FBXL3: variants seen among roughly 807,000 people sequenced by gnomAD.
FBXL3 encodes F-box/LRR-repeat protein 3.
Under a neutral mutation model 37.9 loss-of-function variants are expected in FBXL3, and 14 were observed. The ratio of observed to expected loss-of-function variants is 0.37; its 90% CI spans 0.24 to 0.58. The LOEUF is 0.58. FBXL3 is among the 20% of genes least tolerant of loss of function. The pLI, the probability that FBXL3 is intolerant of heterozygous loss-of-function variation, is 0.74. For missense variants in FBXL3, 327 were observed against 511.1 expected, an observed-to-expected ratio of 0.64 and a Z score of 3.47; for synonymous variants, 194 against 180.1, an observed-to-expected ratio of 1.08 and a Z score of -0.62.
chr13:77,022,813 A>C (rs1366898415), intron 1 of FBXL3, among the ~76,000 whole-genome samples: 1 of 152,172 alleles, frequency 6.6e-6, no homozygotes, highest in Non-Finnish European at 1.5e-5. Context: ...TTTTCATGGC[A>C]AAACAGTATT....
At chr13:77,026,206 G>C in intron 1 of FBXL3, 1 of 985,404 alleles carries the variant, frequency 1.0e-6, no homozygotes, top group Non-Finnish European at 1.2e-6. Context: ...TTACTGGGCT[G>C]CTTCCTGACC....
chr13:77,022,696 C>T (rs9634731), intron 1 of FBXL3, among the ~76,000 whole-genome samples: 7,992 of 152,294 alleles, frequency 0.052, 361 homozygotes, highest in East Asian at 0.19. Context: ...AAACACATCA[C>T]TTAATATTGC....
chr13:77,006,509 T>A lies in FBXL3; in HGVS notation c.*636A>T, dbSNP rs574452928. On this transcript the variant is annotated 3_prime_UTR_variant, in exon 5 of 5. Transcript: ENST00000355619. ...AAGCTAAACACTGCCTCCCTTCTGT[T>A]CCATTTATTGTCTTTTAATTTGATC... 1 of 152,646 alleles carries A rather than the reference T, an allele frequency of 6.6e-6. No individual in the cohort carries two copies. Among genetic ancestry groups the A allele is most frequent in the Non-Finnish European group, 1.5e-5 (1 of 68,152 alleles). The allele number at this position is 152,646 out of a possible 1,614,324, so 9.5% of individuals were successfully genotyped here.
intron 3 of FBXL3, 106 bp downstream of exon 3, chr13:77,018,494 G>GTA (rs993124412): frequency 1.1e-5 from 7 of 665,258 alleles, no homozygotes; most frequent in African/African-American, 7.8e-5. Context: ...TTTCCATTAT[G>GTA]TATATATATA....
At chr13:77,008,137 G>C (rs1593921816) in intron 4 of FBXL3, among the ~76,000 whole-genome samples, 1 of 152,132 alleles carries the variant, frequency 6.6e-6, no homozygotes, top group Non-Finnish European at 1.5e-5. Context: ...AAACTTATAG[G>C]TTAGGTAATT....
At chr13:77,012,493 T>G (rs1170525654) in intron 4 of FBXL3, among the ~76,000 whole-genome samples, 1 of 152,234 alleles carries the variant, frequency 6.6e-6, no homozygotes, top group Non-Finnish European at 1.5e-5. Flanking sequence ...AATGTTGGCT[T>G]TATAGGGAAC....
Position 77,026,313 on chromosome 13 carries a change from A to AGGGGCGTC in FBXL3, c.-2+506_-2+513dup, listed in dbSNP as rs991456503. 8.6e-5 allele frequency: 85 copies of AGGGGCGTC among 985,450 alleles called. No individual in the cohort carries two copies. The East Asian group carries it at 3.4e-3, about 39-fold the overall frequency. The allele number at this position is 985,450 out of a possible 1,614,324, so 61.0% of individuals were successfully genotyped here. On this transcript the variant is annotated intron_variant, in intron 1 of 4. Coordinates refer to ENST00000355619, the MANE Select transcript of FBXL3 (RefSeq NM_012158.4). ...CAAGTTTTTCGCCTGGCTAAGCGGC[A>AGGGGCGTC]GGGGCGTCCCCTCCTCCCTGCGCCA...
intron 3 of FBXL3, chr13:77,016,966 ACT>A (rs2034654414): frequency 6.6e-6 from 1 of 152,060 alleles, no homozygotes; most frequent in Non-Finnish European, 1.5e-5. Flanking sequence ...TTCATATCAA[ACT>A]CAATTATATC....
rs536242757 is a variant in FBXL3 at position 77,025,165 on chromosome 13, G to T, written c.-2+1662C>A. ...TGAAAACACCTCCTATATTTGAAAA[G>T]AAGTGTGGAGAACCAAGCTGTACTA... is the stretch of plus-strand genomic sequence containing the variant. On this transcript the variant is annotated intron_variant, in intron 1 of 4. Transcript: ENST00000355619. 6.6e-5 allele frequency among the ~76,000 whole-genome samples: 10 copies of T among 152,292 alleles called. No individual in the cohort carries two copies. The East Asian group carries it at 1.5e-3, about 23-fold the overall frequency.
chr13:77,007,134 T>A lies in FBXL3; in HGVS notation c.*11A>T, dbSNP rs545836683. 6.3e-6 allele frequency: 10 copies of A among 1,586,374 alleles called. No homozygotes were observed. The highest frequency in any genetic ancestry group is 4.0e-5 in the African/African-American group (3 of 74,384). On this transcript the variant is annotated 3_prime_UTR_variant, in exon 5 of 5. Coordinates refer to ENST00000355619, the MANE Select transcript of FBXL3 (RefSeq NM_012158.4). ...TTGCTTGAAATTAAGGTGCTATTCA[T>A]CATGCAGTTTTTACCAAGTGGGCAT...
At chr13:77,019,589 TG>T (rs2034705251) in intron 2 of FBXL3, among the ~76,000 whole-genome samples, 2 of 152,158 alleles carry the variant, frequency 1.3e-5, no homozygotes, top group Admixed American at 1.3e-4. Flanking sequence ...GGAACTTAAA[TG>T]GGAACAAATG....
intron 1 of FBXL3, 98 bp from the exon 2 acceptor site, chr13:77,021,959 C>A (rs79233038): frequency 4.2e-6 from 4 of 943,104 alleles, no homozygotes; most frequent in East Asian, 2.4e-5. Flanking sequence ...TGTTTATATA[C>A]ACAAACATGC....
chr13:77,006,873 TA>T lies in FBXL3; in HGVS notation c.*271del. ...TATAGGTTTTGTTTCCTTTAGACTG[TA>T]AACTGTTTAATACGTATAACTGGTT... On this transcript the variant is annotated 3_prime_UTR_variant, in exon 5 of 5. Coordinates refer to ENST00000355619, the MANE Select transcript of FBXL3 (RefSeq NM_012158.4). The T allele has an allele frequency of 8.2e-7, 1 of 1,225,490 alleles. No individual in the cohort carries two copies. Among genetic ancestry groups the T allele is most frequent in the Admixed American group, 4.0e-5 (1 of 25,214 alleles). 75.9% of individuals were successfully genotyped at this position (1,225,490 alleles called of 1,614,324 possible). A position where few individuals can be genotyped will look rare whatever the true frequency, so the allele number is the denominator to read the frequency against.
chr13:77,009,931 G>A (rs1368548504), intron 4 of FBXL3: 1 of 152,146 alleles, frequency 6.6e-6, no homozygotes, highest in Non-Finnish European at 1.5e-5. Context: ...CCATAAAAAG[G>A]GATGAGTTCA....
At chr13:77,011,510 C>T (rs1399304589) in intron 4 of FBXL3, among the ~76,000 whole-genome samples, 1 of 151,902 alleles carries the variant, frequency 6.6e-6, no homozygotes, top group African/African-American at 2.4e-5. Context: ...ACACTTGAGC[C>T]CATGAGTTCG....
chr13:77,012,462 C>T (rs1042156244), intron 4 of FBXL3, among the ~76,000 whole-genome samples: 9 of 151,994 alleles, frequency 5.9e-5, no homozygotes, highest in African/African-American at 2.2e-4. Flanking sequence ...AAACAAGTGT[C>T]CAACTTTAGA....
chr13:77,023,315 CTA>C (rs1290197500), intron 1 of FBXL3, among the ~76,000 whole-genome samples: 1 of 151,028 alleles, frequency 6.6e-6, no homozygotes, highest in East Asian at 2.0e-4. Context: ...ACACCCGACT[CTA>C]TTTTTGCTTT....
rs2034685828 is a variant in FBXL3, at chr13:77,018,583, A to C, written c.471+17T>G. ...GAATTTCTCAGTAATAGATAATAAA[A>C]CAAAAACAGCAGATACCTTTGGTAA... On this transcript the variant is annotated intron_variant, in intron 3 of 4. Transcript: ENST00000355619. The C allele has an allele frequency of 6.4e-7, 1 of 1,553,188 alleles. No homozygotes were observed.
At chr13:77,022,226 T>C (rs1278717186) in intron 1 of FBXL3, among the ~76,000 whole-genome samples, 2 of 152,218 alleles carry the variant, frequency 1.3e-5, no homozygotes, top group Non-Finnish European at 2.9e-5. Flanking sequence ...AGCGATACTT[T>C]GTAAAGGTTT....
Sources: gnomAD v4.1 joint callset for allele counts (sites outside exome capture counted in the v4.1 genomes callset) on GRCh38, gnomAD v4.1.1 for gene constraint, MANE v1.5 for transcripts, NCBI Gene and HGNC (gene_info 2026-07-23, HGNC 2026-07-21) for gene names.